Variants in TSHZ2 observed in about 807,000 individuals in gnomAD.
The protein encoded by TSHZ2 is teashirt zinc finger homeobox 2.
TSHZ2 carries 21 observed loss-of-function variants against 74.4 expected under a neutral mutation model. That is an observed-to-expected ratio of 0.28 (90% CI 0.20 to 0.41). The LOEUF (loss-of-function observed/expected upper bound fraction) is 0.41. TSHZ2 is among the 10% of genes least tolerant of loss of function. TSHZ2 has a pLI of 1.00. For missense variants in TSHZ2, 1,244 were observed against 1,293.5 expected, an observed-to-expected ratio of 0.96 and a Z score of 0.59; for synonymous variants, 540 against 515.3, an observed-to-expected ratio of 1.05 and a Z score of -0.65.
intron 1 of TSHZ2, among the ~76,000 whole-genome samples, chr20:53,057,648 G>A (rs1166283316): frequency 6.6e-6 from 1 of 152,104 alleles, no homozygotes; most frequent in Non-Finnish European, 1.5e-5. Context: ...TAGAGGCCCA[G>A]GAGAAGCTGG....
In TSHZ2 at chr20:52,976,554, TA is replaced by T. The variant is rs1280057195; in HGVS notation, c.40+3225del. Among the ~76,000 whole-genome samples, 5 of 152,348 alleles carry T rather than the reference TA, an allele frequency of 3.3e-5. No homozygotes were observed. In the East Asian group the frequency reaches 9.6e-4, roughly 29 times the overall value. ...GGAGATAGAGAAAATGGCAGGAAAG[TA>T]AAACAGAACGGTGTTTTGATTTGTT... On this transcript the variant is annotated intron_variant, in intron 1 of 2. Transcript: ENST00000371497.
intron 2 of TSHZ2, among the ~76,000 whole-genome samples, chr20:53,284,387 G>A (rs1164603017): frequency 6.6e-6 from 1 of 152,190 alleles, no homozygotes; most frequent in Non-Finnish European, 1.5e-5. Flanking sequence ...ACAGGCGGCG[G>A]CAGAAGCTGA....
intron 1 of TSHZ2, among the ~76,000 whole-genome samples, chr20:53,218,554 A>T (rs1034581387): frequency 7.2e-5 from 11 of 152,210 alleles, no homozygotes; most frequent in Non-Finnish European, 1.6e-4. Flanking sequence ...ATATTCGCAG[A>T]TGACGAGATT....
intron 2 of TSHZ2, among the ~76,000 whole-genome samples, chr20:53,406,018 T>TA (rs1568903486): frequency 2.0e-5 from 3 of 151,756 alleles, no homozygotes; most frequent in South Asian, 2.1e-4. Flanking sequence ...TACTTTTTTT[T>TA]AAAAAAAAGA....
chr20:53,021,296 T>C (rs867825951), intron 1 of TSHZ2, among the ~76,000 whole-genome samples: 2 of 152,162 alleles, frequency 1.3e-5, no homozygotes, highest in Non-Finnish European at 2.9e-5. Flanking sequence ...TAGGAACTTG[T>C]TAGAAATTCA....
chr20:53,434,319 T>C (rs1237580894), intron 2 of TSHZ2, among the ~76,000 whole-genome samples: 1 of 152,202 alleles, frequency 6.6e-6, no homozygotes, highest in Non-Finnish European at 1.5e-5. Flanking sequence ...ATTATCATCA[T>C]TCAAATTTAA....
intron 1 of TSHZ2, among the ~76,000 whole-genome samples, chr20:53,108,214 T>TA (rs901852230): frequency 7.2e-5 from 11 of 152,162 alleles, no homozygotes; most frequent in African/African-American, 2.4e-5. Flanking sequence ...CAGCAAAAAG[T>TA]AGAGAGGCTC....
intron 1 of TSHZ2, among the ~76,000 whole-genome samples, chr20:53,001,877 G>T (rs1204004844): frequency 6.6e-6 from 1 of 152,194 alleles, no homozygotes; most frequent in Non-Finnish European, 1.5e-5. Flanking sequence ...CGGAGTTCCT[G>T]AGCTGCTTGG....
chr20:53,071,689 T>G (rs974084524), intron 1 of TSHZ2, among the ~76,000 whole-genome samples: 11 of 152,206 alleles, frequency 7.2e-5, no homozygotes, highest in Non-Finnish European at 1.5e-4. Context: ...AACCCAGAGC[T>G]GACTTCTGTG....
At chr20:52,984,668 G>T (rs1422479065) in intron 1 of TSHZ2, among the ~76,000 whole-genome samples, 1 of 152,166 alleles carries the variant, frequency 6.6e-6, no homozygotes, top group Non-Finnish European at 1.5e-5. Flanking sequence ...GTCAGGATCT[G>T]ACTTAGGTTT....
intron 2 of TSHZ2, among the ~76,000 whole-genome samples, chr20:53,384,002 C>T (rs1422184505): frequency 6.6e-6 from 1 of 152,150 alleles, no homozygotes; most frequent in African/African-American, 2.4e-5. Context: ...TTCCGGATGA[C>T]ATGTGAGTTC....
chr20:53,472,618 G>A (rs13042298), intron 2 of TSHZ2, among the ~76,000 whole-genome samples: 30,546 of 152,026 alleles, frequency 0.2, 3,235 homozygotes, highest in East Asian at 0.29. Context: ...ACTGGAAGAT[G>A]CTGCTTAGAA....
At chr20:53,234,418 C>A (rs1304670841) in intron 1 of TSHZ2, among the ~76,000 whole-genome samples, 1 of 152,114 alleles carries the variant, frequency 6.6e-6, no homozygotes, top group African/African-American at 2.4e-5. Flanking sequence ...GACAAAGATA[C>A]CGGTTCTTAC....
At chr20:53,076,708 G>C (rs977783150) in intron 1 of TSHZ2, among the ~76,000 whole-genome samples, 3 of 152,176 alleles carry the variant, frequency 2.0e-5, no homozygotes, top group Non-Finnish European at 2.9e-5. Context: ...TTTAGGCACA[G>C]GTACCTTATT....
chr20:53,151,078 TATC>T (rs1438244925), intron 1 of TSHZ2, among the ~76,000 whole-genome samples: 2 of 152,162 alleles, frequency 1.3e-5, no homozygotes, highest in Non-Finnish European at 2.9e-5. Flanking sequence ...TTTAAGGCCT[TATC>T]ATATCACGCT....
At chr20:53,056,490 C>A (rs975725473) in intron 1 of TSHZ2, among the ~76,000 whole-genome samples, 1 of 152,208 alleles carries the variant, frequency 6.6e-6, no homozygotes, top group African/African-American at 2.4e-5. Flanking sequence ...TAAAGAAAGA[C>A]TACAGGTTCA....
At chr20:53,481,907 C>T (rs1395712570) in intron 2 of TSHZ2, among the ~76,000 whole-genome samples, 3 of 151,910 alleles carry the variant, frequency 2.0e-5, no homozygotes, top group Non-Finnish European at 4.4e-5. Flanking sequence ...AGATCGAGAC[C>T]AGCCTGACCA....
intron 2 of TSHZ2, among the ~76,000 whole-genome samples, chr20:53,403,698 TGA>T: frequency 6.6e-6 from 1 of 152,206 alleles, no homozygotes; most frequent in Non-Finnish European, 1.5e-5. Context: ...AGCTGTCGAA[TGA>T]GAGAATGTGC....
intron 1 of TSHZ2, among the ~76,000 whole-genome samples, chr20:53,242,407 A>T (rs889782862): frequency 1.3e-5 from 2 of 152,140 alleles, no homozygotes; most frequent in African/African-American, 4.8e-5. Flanking sequence ...AAAAATAATG[A>T]TCTAATTAAC....
Sources: gnomAD v4.1 joint callset for allele counts (sites outside exome capture counted in the v4.1 genomes callset) on GRCh38, gnomAD v4.1.1 for gene constraint, MANE v1.5 for transcripts, NCBI Gene and HGNC (gene_info 2026-07-23, HGNC 2026-07-21) for gene names.